Variants in ADGRV1 observed in about 807,000 individuals in gnomAD.
The protein encoded by ADGRV1 is G-protein coupled receptor 98.
A neutral mutation model predicts 596.2 loss-of-function variants in ADGRV1; 359 were observed. The observed-to-expected ratio is 0.60, with a 90% CI of 0.55 to 0.66. The LOEUF is 0.66. Among genes scored for constraint, ADGRV1 ranks in the 30% least tolerant of loss-of-function variants. The pLI, the probability that ADGRV1 is intolerant of heterozygous loss-of-function variation, is 0.00. For missense variants in ADGRV1, 7,274 were observed against 7,575.6 expected (o/e 0.96, Z 1.48); for synonymous variants, 2,681 against 2,679.2 (o/e 1.00, Z -0.02).
chr5:90,767,493 C>T (rs987766408), intron 59 of ADGRV1, among the ~76,000 whole-genome samples: 3 of 151,904 alleles, frequency 2.0e-5, no homozygotes, highest in Non-Finnish European at 4.4e-5. Flanking sequence ...ATATAAATGT[C>T]GACAAATAAA....
intron 1 of ADGRV1, among the ~76,000 whole-genome samples, chr5:90,577,605 T>TTTTTGGTTCCATATGAAG (rs2151967613): frequency 6.6e-6 from 1 of 152,324 alleles, no homozygotes; most frequent in South Asian, 2.1e-4. Flanking sequence ...TGTGGGCTCT[T>TTTTTGGTTCCATATGAAG]TTTTGGTTCC....
chr5:90,834,886 TTTTC>T (rs978353738), intron 77 of ADGRV1, among the ~76,000 whole-genome samples: 18 of 151,798 alleles, frequency 1.2e-4, no homozygotes, highest in East Asian at 5.8e-4. Flanking sequence ...TTTCTTTCTT[TTTTC>T]TTTCTTTCTC....
At chr5:90,821,167 C>T (rs1581229149) in intron 75 of ADGRV1, among the ~76,000 whole-genome samples, 1 of 151,724 alleles carries the variant, frequency 6.6e-6, no homozygotes, top group East Asian at 1.9e-4. Context: ...TCATTCATTT[C>T]ATCTTCCATT....
chr5:91,087,220 T>G (rs753225763), intron 86 of ADGRV1, among the ~76,000 whole-genome samples: 1 of 152,224 alleles, frequency 6.6e-6, no homozygotes, highest in Non-Finnish European at 1.5e-5. Context: ...TTATAATACT[T>G]ATCTCCTACC....
chr5:90,623,714 CT>C (rs1475333212), intron 5 of ADGRV1, among the ~76,000 whole-genome samples: 5 of 152,140 alleles, frequency 3.3e-5, no homozygotes, highest in Admixed American at 1.3e-4. Flanking sequence ...TGCCTTCCCC[CT>C]GCCCCCCATT....
chr5:90,996,344 G>A (rs1157037674), intron 85 of ADGRV1, among the ~76,000 whole-genome samples: 1 of 152,116 alleles, frequency 6.6e-6, no homozygotes, highest in Admixed American at 6.6e-5. Flanking sequence ...TGGCAAAAAG[G>A]GCCGCAGATA....
At chr5:90,962,490 A>G (rs950851165) in intron 83 of ADGRV1, among the ~76,000 whole-genome samples, 1 of 152,250 alleles carries the variant, frequency 6.6e-6, no homozygotes, top group Non-Finnish European at 1.5e-5. Context: ...AGCTCCATCT[A>G]TTTTTAGGTT....
intron 21 of ADGRV1, among the ~76,000 whole-genome samples, chr5:90,662,446 G>A (rs941740469): frequency 1.9e-4 from 29 of 152,122 alleles, no homozygotes; most frequent in African/African-American, 6.7e-4. Flanking sequence ...ACCTACCTCA[G>A]CCTCCCAAAG....
At position 90,665,951 on chromosome 5, in the gene ADGRV1, T is replaced by A. The variant is rs570003061; in HGVS notation, c.4753-6595T>A. Among the ~76,000 whole-genome samples, 592 of 150,126 alleles carry A rather than the reference T, an allele frequency of 3.9e-3. 7 individuals are homozygous for A. The highest frequency in any genetic ancestry group is 4.1e-3 in the Non-Finnish European group (277 of 67,396). Reference sequence around the variant, plus strand: ...GAGTGAGATTCTTAATCCTGAGTTCTAGTTTGATTGCACTGTGGTCTGAGA... The same window carrying A: ...GAGTGAGATTCTTAATCCTGAGTTCAAGTTTGATTGCACTGTGGTCTGAGA... On this transcript the variant is annotated intron_variant, in intron 21 of 89. Transcript: ENST00000405460.
intron 85 of ADGRV1, among the ~76,000 whole-genome samples, chr5:91,003,047 T>C (rs1313701168): frequency 6.6e-6 from 1 of 152,136 alleles, no homozygotes; most frequent in Non-Finnish European, 1.5e-5. Flanking sequence ...GATCTTTCCT[T>C]ACCTCCCAGG....
intron 77 of ADGRV1, among the ~76,000 whole-genome samples, chr5:90,836,007 C>T (rs935562201): frequency 3.3e-5 from 5 of 152,296 alleles, no homozygotes; most frequent in African/African-American, 1.2e-4. Context: ...ACACCATTAG[C>T]TATTAGCAAA....
intron 28 of ADGRV1, among the ~76,000 whole-genome samples, chr5:90,684,502 G>C (rs537471790): frequency 6.6e-6 from 1 of 152,212 alleles, no homozygotes; most frequent in African/African-American, 2.4e-5. Flanking sequence ...TCATCCACTG[G>C]GGTTGCTGTA....
chr5:90,826,990 T>C (rs1764127147), intron 76 of ADGRV1, among the ~76,000 whole-genome samples: 1 of 152,188 alleles, frequency 6.6e-6, no homozygotes, highest in Admixed American at 6.5e-5. Context: ...ATTAGTAAAA[T>C]GTAAAAGGTA....
intron 1 of ADGRV1, among the ~76,000 whole-genome samples, chr5:90,609,162 G>A (rs552079925): frequency 6.6e-6 from 1 of 152,154 alleles, no homozygotes; most frequent in South Asian, 2.1e-4. Context: ...TCTCTTGAGA[G>A]ATATAAATGA....
At position 90,783,319 on chromosome 5, in the gene ADGRV1, A is replaced by G. The variant is rs1759059965; in HGVS notation, c.13427A>G (p.Asn4476Ser). The G allele has an allele frequency of 6.2e-7, 1 of 1,604,864 alleles. No homozygotes were observed. The highest frequency in any genetic ancestry group is 8.5e-7 in the Non-Finnish European group (1 of 1,172,432). The change falls in exon 66 of 90, where the codon AAT becomes AGT. Residue 4476 changes from asparagine to serine, a missense_variant. By Grantham distance (46) the Asn-to-Ser change is conservative. Around this residue, in one of 5 missense-constraint regions of ADGRV1, gnomAD observed 3,643 missense variants for 3,809.2 expected, o/e 0.96. Coordinates refer to ENST00000405460, the MANE Select transcript of ADGRV1 (RefSeq NM_032119.4). ...SFINISIIDD[N>S]ESEFEEPIEI... is the part of the protein sequence containing the mutation. Reference sequence around the variant, plus strand: ...ATAAATATCTCCATCATTGATGACAATGAAAGGTTGGTATATAGAAAATAA... The same window carrying G: ...ATAAATATCTCCATCATTGATGACAGTGAAAGGTTGGTATATAGAAAATAA...
chr5:91,006,637 T>C (rs1194640220), intron 85 of ADGRV1, among the ~76,000 whole-genome samples: 1 of 152,210 alleles, frequency 6.6e-6, no homozygotes, highest in African/African-American at 2.4e-5. Flanking sequence ...TCACTGTTCA[T>C]AGTATTGCTA....
At chr5:90,836,544 G>T (rs987676828) in intron 77 of ADGRV1, among the ~76,000 whole-genome samples, 1 of 152,118 alleles carries the variant, frequency 6.6e-6, no homozygotes, top group East Asian at 1.9e-4. Flanking sequence ...GAATGGAAAA[G>T]AAATTGGTGG....
chr5:90,961,239 G>A (rs1457168761), intron 83 of ADGRV1, among the ~76,000 whole-genome samples: 1 of 152,066 alleles, frequency 6.6e-6, no homozygotes, highest in Non-Finnish European at 1.5e-5. Context: ...AGCGGTTCAC[G>A]CCTGTAATCC....
At position 90,617,940 on chromosome 5, in the gene ADGRV1, A is replaced by C; in HGVS notation, c.344A>C (p.His115Pro). The change falls in exon 3 of 90, where the codon CAC (histidine) becomes CCC (proline). Residue 115 changes from histidine (H) to proline (P), a missense_variant. Coordinates refer to ENST00000405460, the MANE Select transcript of ADGRV1 (RefSeq NM_032119.4). Reference sequence around the variant, plus strand: ...GAGCCTGACGAAACTTTTATTTTTCACTTAACATTACAGGTAAGTCCGTGT... The same window carrying C: ...GAGCCTGACGAAACTTTTATTTTTCCCTTAACATTACAGGTAAGTCCGTGT... Reference protein sequence around the residue: ...LPEPDETFIFHLTLQKPSANV... With the variant: ...LPEPDETFIFPLTLQKPSANV... The C allele has an allele frequency of 6.4e-7, 1 of 1,572,260 alleles. No homozygotes were observed. Among genetic ancestry groups the C allele is most frequent in the Non-Finnish European group, 8.6e-7 (1 of 1,156,786 alleles).
Sources: gnomAD v4.1 joint callset for allele counts (sites outside exome capture counted in the v4.1 genomes callset) on GRCh38, gnomAD v4.1.1 for gene constraint, gnomAD v4.1.1 regional missense constraint, MANE v1.5 for transcripts, NCBI Gene and HGNC (gene_info 2026-07-23, HGNC 2026-07-21) for gene names.